The following C8A variants were observed in gnomAD, a reference collection of about 807,000 sequenced individuals.
The protein encoded by C8A is complement C8 alpha chain, also known as complement component C8 alpha chain.
In C8A, 67 loss-of-function variants were observed where a neutral mutation model predicts 65.3. The ratio of observed to expected loss-of-function variants is 1.03; its 90% CI spans 0.84 to 1.26. C8A has a LOEUF of 1.26. C8A is among the 50% of genes most tolerant of loss of function. C8A has a pLI of 0.00. For missense variants in C8A, 781 were observed against 723.9 expected (o/e 1.08, Z -0.90); for synonymous variants, 290 against 259.4 (o/e 1.12, Z -1.13).
At chr1:56,913,232 G>T (rs1012978111) in intron 10 of C8A, among the ~76,000 whole-genome samples, 2 of 152,164 alleles carry the variant, frequency 1.3e-5, no homozygotes, top group African/African-American at 2.4e-5. Context: ...ATTTTAATGT[G>T]ATTTCATCTG....
In C8A at chr1:56,904,398, T is replaced by C. The variant is rs369314770; in HGVS notation, c.1097-2269T>C. 2.7e-3 allele frequency among the ~76,000 whole-genome samples: 413 copies of C among 152,366 alleles called. 29 individuals are homozygous for C. The South Asian group carries it at 0.079, about 29-fold the overall frequency. ...ATTTAAGATATGGCCCCCAGCCTGC[T>C]AACTTCTCAAGGGCAGGATCTTACC... On this transcript the variant is annotated intron_variant, in intron 7 of 10. Transcript: ENST00000361249.
chr1:56,884,121 C>T (rs540343223), intron 6 of C8A, among the ~76,000 whole-genome samples: 1 of 151,858 alleles, frequency 6.6e-6, no homozygotes, highest in Non-Finnish European at 1.5e-5. Context: ...CCATTAAGTG[C>T]CTATTATCCT....
chr1:56,864,097 A>C (rs1412732746), intron 1 of C8A, among the ~76,000 whole-genome samples: 1 of 152,230 alleles, frequency 6.6e-6, no homozygotes, highest in Non-Finnish European at 1.5e-5. Context: ...AAGTTTGATA[A>C]TTAAGAATTG....
chr1:56,909,899 G>T (rs1272929473), intron 9 of C8A, among the ~76,000 whole-genome samples: 1 of 152,166 alleles, frequency 6.6e-6, no homozygotes, highest in Non-Finnish European at 1.5e-5. Flanking sequence ...AGTCCAACTC[G>T]AGTCATGTTT....
intron 7 of C8A, among the ~76,000 whole-genome samples, chr1:56,903,382 C>T (rs1644441115): frequency 6.6e-6 from 1 of 152,144 alleles, no homozygotes; most frequent in Non-Finnish European, 1.5e-5. Flanking sequence ...GTGTTTGCTT[C>T]CCCTTCTTCC....
At chr1:56,856,960 A>G (rs1297900411) in intron 1 of C8A, among the ~76,000 whole-genome samples, 1 of 152,082 alleles carries the variant, frequency 6.6e-6, no homozygotes, top group Non-Finnish European at 1.5e-5. Flanking sequence ...TATACAAATA[A>G]CACCTTTCAT....
At chr1:56,882,216 G>T (rs540407293) in intron 5 of C8A, among the ~76,000 whole-genome samples, 1 of 152,224 alleles carries the variant, frequency 6.6e-6, no homozygotes, top group South Asian at 2.1e-4. Flanking sequence ...TTGGTCACTT[G>T]GAGCTCATGA....
chr1:56,863,548 A>G (rs993183529), intron 1 of C8A, among the ~76,000 whole-genome samples: 1 of 152,290 alleles, frequency 6.6e-6, no homozygotes, highest in Admixed American at 6.5e-5. Context: ...TATCTTGACA[A>G]TTGTGTAGTG....
Position 56,895,387 on chromosome 1 carries a change from G to A in C8A, c.1096+9220G>A, listed in dbSNP as rs187505738. On this transcript the variant is annotated intron_variant, in intron 7 of 10. Transcript: ENST00000361249. The stretch of plus-strand genomic sequence containing the variant: ...CTCCAATTCACAAAAGAAGAACTGA[G>A]ACTCAGTGATTTTCTGTTAAATAGC... Among the ~76,000 whole-genome samples the A allele has an allele frequency of 1.8e-3, 267 of 152,194 alleles. 3 individuals are homozygous for A. Among genetic ancestry groups the A allele is most frequent in the Non-Finnish European group, 3.4e-4 (23 of 67,990 alleles).
chr1:56,908,062 C>T lies in C8A; in HGVS notation c.1329C>T (p.Tyr443=). The T allele has an allele frequency of 6.2e-7, 1 of 1,614,124 alleles. No homozygotes were observed. Among genetic ancestry groups the T allele is most frequent in the Middle Eastern group, 1.6e-4 (1 of 6,062 alleles). The change falls in exon 9 of 11, where the codon TAC becomes TAT. Residue 443 remains tyrosine (Y), a synonymous_variant. Coordinates refer to ENST00000361249, the MANE Select transcript of C8A (RefSeq NM_000562.3). ...CACAGAACAGGAGCACCATTACATA[C>T]CGTTCCTGGGGGAGGTCATTAAAGT... The part of the protein sequence containing the change: ...GLAQNRSTIT[Y]RSWGRSLKYN...
At chr1:56,914,470 A>G (rs1474713584) in intron 10 of C8A, among the ~76,000 whole-genome samples, 1 of 152,120 alleles carries the variant, frequency 6.6e-6, no homozygotes, top group Non-Finnish European at 1.5e-5. Flanking sequence ...AAAATCTTTA[A>G]ATGCAAAATT....
intron 2 of C8A, among the ~76,000 whole-genome samples, chr1:56,869,397 C>A (rs1557698732): frequency 6.6e-6 from 1 of 152,172 alleles, no homozygotes; most frequent in African/African-American, 2.4e-5. Context: ...ATATGTACCA[C>A]ATTTTCTTTA....
chr1:56,892,940 C>A (rs1160340317), intron 7 of C8A, among the ~76,000 whole-genome samples: 1 of 152,062 alleles, frequency 6.6e-6, no homozygotes, highest in African/African-American at 2.4e-5. Context: ...TGATTCTTGG[C>A]CTTATTGAAA....
intron 7 of C8A, among the ~76,000 whole-genome samples, chr1:56,892,376 T>C (rs1644353427): frequency 6.6e-6 from 1 of 152,148 alleles, no homozygotes; most frequent in Non-Finnish European, 1.5e-5. Context: ...AGGCATGGTT[T>C]CCTCATTTTT....
intron 1 of C8A, among the ~76,000 whole-genome samples, chr1:56,860,924 G>A (rs1644027760): frequency 6.6e-6 from 1 of 152,198 alleles, no homozygotes; most frequent in South Asian, 2.1e-4. Context: ...AAGTCCAAGA[G>A]ATGAAAGTTC....
intron 9 of C8A, among the ~76,000 whole-genome samples, chr1:56,910,702 C>T (rs1230797391): frequency 2.6e-5 from 4 of 152,238 alleles, no homozygotes; most frequent in African/African-American, 9.6e-5. Flanking sequence ...CCTGATATTA[C>T]CTGCCTGCTG....
chr1:56,885,739 A>T (rs112987054), intron 6 of C8A, among the ~76,000 whole-genome samples, 188 bp from the exon 7 acceptor site: 22 of 151,596 alleles, frequency 1.5e-4, no homozygotes, highest in Admixed American at 5.9e-4. Context: ...TTTAGTAGAG[A>T]CGGGGTTTCA....
rs1644204262 is a variant in C8A at position 56,876,955 on chromosome 1, G to T, written c.464+746G>T. ...GTGTTGAAGCTCTAACTCCCAATGT[G>T]ACTGAATTAGGAAATAGGGATTTTA... On this transcript the variant is annotated intron_variant, in intron 4 of 10. Coordinates refer to ENST00000361249, the MANE Select transcript of C8A (RefSeq NM_000562.3). Among the ~76,000 whole-genome samples, 15 of 152,250 alleles carry T rather than the reference G, an allele frequency of 9.9e-5. No homozygotes were observed. In the South Asian group the frequency reaches 3.1e-3, roughly 32 times the overall value.
chr1:56,863,492 C>T (rs1258129347), intron 1 of C8A, among the ~76,000 whole-genome samples: 2 of 152,288 alleles, frequency 1.3e-5, no homozygotes, highest in East Asian at 1.9e-4. Context: ...TACTGTTTCC[C>T]TCTGGTTTGA....
Sources: allele counts gnomAD v4.1 joint callset (sites outside exome capture counted in the v4.1 genomes callset), GRCh38; gene constraint gnomAD v4.1.1; transcripts MANE v1.5; gene names NCBI Gene and HGNC (gene_info 2026-07-23, HGNC 2026-07-21).